Variants in EML6 observed in about 807,000 individuals in gnomAD.
The protein encoded by EML6 is echinoderm microtubule-associated protein-like 6.
Under a neutral mutation model 240.1 loss-of-function variants are expected in EML6, and 154 were observed. That is an observed-to-expected ratio of 0.64 (90% CI 0.56 to 0.73). The LOEUF is 0.73. Among genes scored for constraint, EML6 ranks in the 30% least tolerant of loss-of-function variants. The probability of loss-of-function intolerance (pLI) is 0.00; values close to 1 mark genes in which losing one functional copy is unlikely to be tolerated. For synonymous variants in EML6, 1,148 were observed against 899.0 expected, an observed-to-expected ratio of 1.28 and a Z score of -4.95; for missense variants, 2,964 against 2,474.6, an observed-to-expected ratio of 1.20 and a Z score of -4.20.
intron 2 of EML6, among the ~76,000 whole-genome samples, chr2:54,789,309 C>A (rs533776917): frequency 4.6e-5 from 7 of 151,800 alleles, no homozygotes; most frequent in African/African-American, 1.2e-4. Flanking sequence ...GTCAGGAGAT[C>A]GAGACCATCC....
Position 54,895,345 on chromosome 2 carries a change from A to C in EML6, c.2927A>C (p.Lys976Thr). 1 of 1,552,058 alleles carries C rather than the reference A, an allele frequency of 6.4e-7. No homozygotes were observed. The highest frequency in any genetic ancestry group is 8.7e-7 in the Non-Finnish European group (1 of 1,146,998). The change falls in exon 21 of 42, where the codon AAA becomes ACA. Residue 976 changes from lysine to threonine, a missense_variant. By Grantham distance (78) the Lys-to-Thr change is moderately conservative (BLOSUM62 -1). Coordinates refer to ENST00000356458, the MANE Select transcript of EML6 (RefSeq NM_001039753.4). Reference sequence around the variant, plus strand: ...CATGGACATATCCTGGTGGGAACAAAAAATGGAGAGATTCTGGAAATTGAT... The same window carrying C: ...CATGGACATATCCTGGTGGGAACAACAAATGGAGAGATTCTGGAAATTGAT... The part of the protein sequence containing the change: ...LGHGHILVGT[K>T]NGEILEIDKS...
intron 21 of EML6, among the ~76,000 whole-genome samples, chr2:54,895,822 C>A (rs1353413932): frequency 1.3e-5 from 2 of 152,180 alleles, no homozygotes; most frequent in Non-Finnish European, 2.9e-5. Flanking sequence ...TTTCAGCTCC[C>A]AGAGGCTGCC....
chr2:54,922,970 T>C (rs941707601), intron 26 of EML6, among the ~76,000 whole-genome samples: 6 of 146,630 alleles, frequency 4.1e-5, no homozygotes, highest in African/African-American at 1.0e-4. Flanking sequence ...AGAGGGAGTT[T>C]TGTTCTTGTT....
rs1169130589 is a variant in EML6, at chr2:54,725,362, G to A, written c.197+104G>A. Reference sequence around the variant, plus strand: ...GATCCGGGAGCCCCGTGGAATAGAGGATTCTCTCTGGAGCCGCATGGAATT... The same window carrying A: ...GATCCGGGAGCCCCGTGGAATAGAGAATTCTCTCTGGAGCCGCATGGAATT... On this transcript the variant is annotated intron_variant, in intron 2 of 41. Transcript: ENST00000356458. This position sits in a 1 kb window ranked among gnomAD's most constrained non-coding sequence, Gnocchi z 4.3. 1.2e-6 allele frequency: 1 copy of A among 843,242 alleles called. No homozygotes were observed. The highest frequency in any genetic ancestry group is 3.3e-5 in the East Asian group (1 of 30,322). 52.2% of individuals were successfully genotyped at this position (843,242 alleles called of 1,614,324 possible).
intron 37 of EML6, among the ~76,000 whole-genome samples, 195 bp from the exon 38 acceptor site, chr2:54,964,376 T>G (rs1470651913): frequency 6.6e-6 from 1 of 152,264 alleles, no homozygotes; most frequent in African/African-American, 2.4e-5. Context: ...AATGTCATTC[T>G]ACATATTTCC....
At chr2:54,737,516 C>G (rs1193241747) in intron 2 of EML6, among the ~76,000 whole-genome samples, 1 of 152,124 alleles carries the variant, frequency 6.6e-6, no homozygotes, top group South Asian at 2.1e-4. Context: ...CCAGGCTGGT[C>G]TTGAACTCCT....
Position 54,853,793 on chromosome 2 carries a change from T to C in EML6, c.1595T>C (p.Val532Ala), listed in dbSNP as rs752091159. ...GTGGATGCGAATTACAACAGCTCAG[T>C]GCTGGTGTCTGGAGATGATTTTGGA... Reference protein sequence around the residue: ...NSVDANYNSSVLVSGDDFGLV... With the variant: ...NSVDANYNSSALVSGDDFGLV... The change falls in exon 11 of 42, where the codon GTG becomes GCG. Residue 532 changes from valine to alanine, a missense_variant. Coordinates refer to ENST00000356458, the MANE Select transcript of EML6 (RefSeq NM_001039753.4). The C allele has an allele frequency of 5.0e-5, 77 of 1,551,480 alleles. 2 individuals are homozygous for C. The South Asian group carries it at 9.2e-4, about 18-fold the overall frequency.
intron 25 of EML6, among the ~76,000 whole-genome samples, chr2:54,916,335 C>T (rs1169775485): frequency 6.6e-6 from 1 of 152,174 alleles, no homozygotes; most frequent in Non-Finnish European, 1.5e-5. Context: ...TACTGGCATC[C>T]AGTGGGCGGA....
intron 2 of EML6, among the ~76,000 whole-genome samples, chr2:54,738,830 T>C (rs1683511049): frequency 6.6e-6 from 1 of 152,248 alleles, no homozygotes; most frequent in Non-Finnish European, 1.5e-5. Context: ...TTCCTTTGGC[T>C]ACTCGTACAA....
chr2:54,882,837 G>A (rs1671896146), intron 17 of EML6: 2 of 24,494 alleles, frequency 8.2e-5, no homozygotes, highest in South Asian at 1.1e-3. Flanking sequence ...CAGCCTAGGC[G>A]GCAGAGCCAG....
intron 22 of EML6, among the ~76,000 whole-genome samples, 182 bp from the exon 23 acceptor site, chr2:54,902,862 G>T (rs970284023): frequency 2.0e-5 from 3 of 152,212 alleles, no homozygotes; most frequent in Non-Finnish European, 4.4e-5. Flanking sequence ...GGCATGAGCT[G>T]CTGCGCCCAG....
At chr2:54,789,493 C>A (rs369757713) in intron 2 of EML6, among the ~76,000 whole-genome samples, 2 of 124,716 alleles carry the variant, frequency 1.6e-5, no homozygotes, top group African/African-American at 3.0e-5. Context: ...CCGCCTGGGC[C>A]ACAGAGCGAG....
chr2:54,881,570 A>T (rs1573058487), intron 17 of EML6: 1 of 147,904 alleles, frequency 6.8e-6, no homozygotes, highest in Non-Finnish European at 1.5e-5. Context: ...AATCGCTTGA[A>T]CCTGGGAGGC....
Position 54,869,503 on chromosome 2 carries a change from G to A in EML6, c.2238+136G>A, listed in dbSNP as rs1360589021. On this transcript the variant is annotated intron_variant, in intron 15 of 41. Coordinates refer to ENST00000356458, the MANE Select transcript of EML6 (RefSeq NM_001039753.4). ...GAAGGTGAAGATTGAATGATCATTGGATCCTTCCAAGATCATGGGAGAATC... is the reference window on the plus strand; with the variant it reads ...GAAGGTGAAGATTGAATGATCATTGAATCCTTCCAAGATCATGGGAGAATC... 7.0e-6 allele frequency: 5 copies of A among 713,322 alleles called. No individual in the cohort carries two copies. In the East Asian group the frequency reaches 1.1e-4, roughly 16 times the overall value. 44.2% of individuals were successfully genotyped at this position (713,322 alleles called of 1,614,324 possible). A position where few individuals can be genotyped will look rare whatever the true frequency, so the allele number is the denominator to read the frequency against.
At chr2:54,742,327 T>TA (rs1683684598) in intron 2 of EML6, among the ~76,000 whole-genome samples, 1 of 152,216 alleles carries the variant, frequency 6.6e-6, no homozygotes, top group South Asian at 2.1e-4. Context: ...TCAAAGGGTA[T>TA]ATGTGTCTCC....
intron 10 of EML6, among the ~76,000 whole-genome samples, chr2:54,851,787 T>C (rs913107124): frequency 2.0e-5 from 3 of 152,196 alleles, no homozygotes; most frequent in African/African-American, 7.2e-5. Context: ...AAAATAGTCA[T>C]AATGCTTCTG....
chr2:54,839,435 A>G (rs1187031628), intron 7 of EML6, among the ~76,000 whole-genome samples: 1 of 152,222 alleles, frequency 6.6e-6, no homozygotes, highest in African/African-American at 2.4e-5. Flanking sequence ...TGATGTGACA[A>G]AAGACAATTG....
At chr2:54,827,037 G>C (rs868709135) in intron 5 of EML6, among the ~76,000 whole-genome samples, 4 of 152,246 alleles carry the variant, frequency 2.6e-5, no homozygotes, top group Middle Eastern at 3.4e-3. Context: ...GCTGAGCTTG[G>C]TGGTGCACTC....
intron 7 of EML6, among the ~76,000 whole-genome samples, chr2:54,835,920 C>T (rs1268397448): frequency 6.6e-6 from 1 of 152,184 alleles, no homozygotes; most frequent in Non-Finnish European, 1.5e-5. Flanking sequence ...GACCAACTCT[C>T]AAACCTGAGA....
Sources: gnomAD v4.1 joint callset for allele counts (sites outside exome capture counted in the v4.1 genomes callset) on GRCh38, gnomAD v4.1.1 for gene constraint, Gnocchi (gnomAD v3.1) non-coding constraint, MANE v1.5 for transcripts, NCBI Gene and HGNC (gene_info 2026-07-23, HGNC 2026-07-21) for gene names.